Variants in NETO1 observed in about 807,000 individuals in gnomAD.
The protein encoded by NETO1 is neuropilin and tolloid-like protein 1.
NETO1 carries 26 observed loss-of-function variants against 61.3 expected under a neutral mutation model. The observed-to-expected ratio is 0.42, with a 90% confidence interval of 0.31 to 0.59. The LOEUF (loss-of-function observed/expected upper bound fraction) is 0.59. NETO1 is among the 20% of genes least tolerant of loss of function. The pLI is 0.12. For synonymous variants in NETO1, 225 were observed against 225.8 expected, an observed-to-expected ratio of 1.00 and a Z score of 0.03; for missense variants, 531 against 662.8, an observed-to-expected ratio of 0.80 and a Z score of 2.18.
At chr18:72,832,318 A>T (rs1025699726) in intron 4 of NETO1, among the ~76,000 whole-genome samples, 6 of 152,246 alleles carry the variant, frequency 3.9e-5, no homozygotes, top group Non-Finnish European at 8.8e-5. Context: ...ATTTTGGGAA[A>T]AACATTATTG....
Position 72,750,218 on chromosome 18 carries a change from G to C in NETO1, c.1385C>G (p.Pro462Arg), listed in dbSNP as rs1453724873. 1.2e-6 allele frequency: 2 copies of C among 1,613,926 alleles called. No homozygotes were observed. Among genetic ancestry groups the C allele is most frequent in the Non-Finnish European group, 1.7e-6 (2 of 1,179,972 alleles). ...ASILTEMPTQ[P>R]GKPLIPPMNR... Reference sequence around the variant, plus strand: ...CATGGGTGGGATGAGGGGTTTTCCTGGCTGTGTGGGCATCTCTGTCAAGAT... The same window carrying C: ...CATGGGTGGGATGAGGGGTTTTCCTCGCTGTGTGGGCATCTCTGTCAAGAT... The change falls in exon 9 of 11, where the codon CCA becomes CGA. Residue 462 changes from proline to arginine, a missense_variant. By Grantham distance (103) the Pro-to-Arg change is moderately radical. Coordinates refer to ENST00000327305, the MANE Select transcript of NETO1 (RefSeq NM_138966.5).
intron 6 of NETO1, among the ~76,000 whole-genome samples, chr18:72,789,085 A>G (rs2072021084): frequency 6.6e-6 from 1 of 152,154 alleles, no homozygotes; most frequent in African/African-American, 2.4e-5. Flanking sequence ...CTATTTTATT[A>G]TTGACCAGAC....
At chr18:72,865,089 A>C in intron 2 of NETO1, 99 bp downstream of exon 2, 1 of 1,407,698 alleles carries the variant, frequency 7.1e-7, no homozygotes, top group Non-Finnish European at 9.8e-7. Context: ...TACATATTAT[A>C]ACAGGTTCAG....
At chr18:72,833,638 A>G (rs913568469) in intron 4 of NETO1, among the ~76,000 whole-genome samples, 12 of 152,134 alleles carry the variant, frequency 7.9e-5, no homozygotes, top group Admixed American at 6.6e-4. Context: ...GGCCTGCCAC[A>G]TTGCTCATAC....
At chr18:72,858,003 T>A (rs937890758) in intron 4 of NETO1, among the ~76,000 whole-genome samples, 2 of 152,182 alleles carry the variant, frequency 1.3e-5, no homozygotes, top group African/African-American at 4.8e-5. Flanking sequence ...ATATTTGAAA[T>A]TATGCTATTG....
intron 7 of NETO1, among the ~76,000 whole-genome samples, chr18:72,780,832 T>G (rs988747355): frequency 6.6e-6 from 1 of 152,192 alleles, no homozygotes; most frequent in Non-Finnish European, 1.5e-5. Flanking sequence ...TATTTGGCAT[T>G]ACATCTTTGT....
chr18:72,859,165 C>A, intron 3 of NETO1, 91 bp from the exon 4 acceptor site: 9 of 1,285,672 alleles, frequency 7.0e-6, no homozygotes, highest in Non-Finnish European at 9.6e-6. Flanking sequence ...ATTTGTACAT[C>A]TTCTCTCAAA....
intron 4 of NETO1, among the ~76,000 whole-genome samples, chr18:72,806,119 A>T (rs1055599692): frequency 1.3e-5 from 2 of 152,088 alleles, no homozygotes; most frequent in African/African-American, 4.8e-5. Flanking sequence ...TTCACCCTGA[A>T]GCCCAGTAAT....
rs753533108 is a variant in NETO1, at chr18:72,745,807, A to C, written c.*2372T>G. 6.6e-6 allele frequency: 1 copy of C among 152,232 alleles called. No individual in the cohort carries two copies. Among genetic ancestry groups the C allele is most frequent in the Non-Finnish European group, 1.5e-5 (1 of 68,062 alleles). 9.4% of individuals were successfully genotyped at this position (152,232 alleles called of 1,614,324 possible). On this transcript the variant is annotated 3_prime_UTR_variant, in exon 11 of 11. Transcript: ENST00000327305. The stretch of plus-strand genomic sequence containing the variant: ...CATCTAGAGTGAATGCCAGGAGAAA[A>C]GGCTACCTCCAGACACTGCCCAGCA...
At chr18:72,797,727 C>A (rs779094231) in intron 4 of NETO1, among the ~76,000 whole-genome samples, 6 of 152,184 alleles carry the variant, frequency 3.9e-5, no homozygotes, top group Non-Finnish European at 5.9e-5. Flanking sequence ...CATCTTAACG[C>A]CCTGTGAGTT....
In NETO1 at chr18:72,747,422, C is replaced by T. The variant is rs1460731278; in HGVS notation, c.*757G>A. 1 of 151,974 alleles carries T rather than the reference C, an allele frequency of 6.6e-6. No homozygotes were observed. Among genetic ancestry groups the T allele is most frequent in the Non-Finnish European group, 1.5e-5 (1 of 67,956 alleles). The allele number at this position is 151,974 out of a possible 1,614,324, so 9.4% of individuals were successfully genotyped here. A position where few individuals can be genotyped will look rare whatever the true frequency, so the allele number is the denominator to read the frequency against. ...TATTTTCTCAAACTGTCAATTTGGTCATATTGCTGAGTGCTTAATCAAAAA... is the reference window on the plus strand; with the variant it reads ...TATTTTCTCAAACTGTCAATTTGGTTATATTGCTGAGTGCTTAATCAAAAA... On this transcript the variant is annotated 3_prime_UTR_variant, in exon 11 of 11. Transcript: ENST00000327305.
rs758461903 is a variant in NETO1 at position 72,749,024 on chromosome 18, C to A, written c.*4G>T. 6.2e-7 allele frequency: 1 copy of A among 1,607,688 alleles called. No individual in the cohort carries two copies. Among genetic ancestry groups the A allele is most frequent in the Admixed American group, 1.7e-5 (1 of 59,894 alleles). On this transcript the variant is annotated 3_prime_UTR_variant, in exon 10 of 11. Coordinates refer to ENST00000327305, the MANE Select transcript of NETO1 (RefSeq NM_138966.5). ...AGGGCATCTGCTTACCTTGAATTTT[C>A]TTTCTAGACCCTAGTTGTGTTGTAT...
At chr18:72,788,845 A>C (rs2072013158) in intron 6 of NETO1, among the ~76,000 whole-genome samples, 1 of 152,174 alleles carries the variant, frequency 6.6e-6, no homozygotes. Context: ...ACAAAATTTA[A>C]TACCACCTGC....
chr18:72,820,323 G>C (rs1302277310), intron 4 of NETO1, among the ~76,000 whole-genome samples: 1 of 152,210 alleles, frequency 6.6e-6, no homozygotes. Context: ...CACAGATGTA[G>C]AGCAATTAAA....
At chr18:72,792,668 G>A (rs2072163374) in intron 6 of NETO1, among the ~76,000 whole-genome samples, 1 of 151,698 alleles carries the variant, frequency 6.6e-6, no homozygotes, top group Admixed American at 6.6e-5. Flanking sequence ...TGCAAATCTG[G>A]TCATATCACT....
At chr18:72,762,035 C>T (rs558972841) in intron 7 of NETO1, among the ~76,000 whole-genome samples, 1 of 152,176 alleles carries the variant, frequency 6.6e-6, no homozygotes, top group East Asian at 1.9e-4. Flanking sequence ...ATTTTAAAAA[C>T]TAAAACTTGG....
chr18:72,808,419 T>TTG (rs368047239), intron 4 of NETO1, among the ~76,000 whole-genome samples: 7,848 of 141,834 alleles, frequency 0.055, 446 homozygotes, highest in African/African-American at 0.14. Context: ...CACTGCAGAT[T>TTG]TGTGTGTGTG....
At chr18:72,766,225 T>TAC (rs1292342486) in intron 7 of NETO1, among the ~76,000 whole-genome samples, 1 of 86,404 alleles carries the variant, frequency 1.2e-5, no homozygotes, top group East Asian at 2.5e-4. Flanking sequence ...AAAATATGTG[T>TAC]GTGTGTGTGT....
At chr18:72,750,872 TACACACACACACAC>T (rs142668353) in intron 8 of NETO1, among the ~76,000 whole-genome samples, 2 of 118,762 alleles carry the variant, frequency 1.7e-5, no homozygotes, top group Admixed American at 1.9e-4. Context: ...CAGCTTAAAA[TACACACACACACAC>T]ACACACACAC....
Sources: allele counts gnomAD v4.1 joint callset (sites outside exome capture counted in the v4.1 genomes callset), GRCh38; gene constraint gnomAD v4.1.1; transcripts MANE v1.5; gene names NCBI Gene and HGNC (gene_info 2026-07-23, HGNC 2026-07-21).